Variants in COL22A1 observed in about 807,000 individuals in gnomAD.
COL22A1 encodes collagen alpha-1(XXII) chain.
A neutral mutation model predicts 248.9 loss-of-function variants in COL22A1; 221 were observed. That is an observed-to-expected ratio of 0.89 (90% confidence interval 0.80 to 0.99). COL22A1 has a LOEUF of 0.99. COL22A1 is among the 50% of genes least tolerant of loss of function. The pLI is 0.00. For missense variants in COL22A1, 2,240 were observed against 2,179.0 expected, an observed-to-expected ratio of 1.03 and a Z score of -0.56; for synonymous variants, 891 against 793.4, an observed-to-expected ratio of 1.12 and a Z score of -2.07.
At chr8:138,835,861 A>G (rs181513241) in intron 4 of COL22A1, among the ~76,000 whole-genome samples, 1 of 152,308 alleles carries the variant, frequency 6.6e-6, no homozygotes, top group East Asian at 1.9e-4. Context: ...AGTAAGGGCT[A>G]TGATAACAAT....
chr8:138,737,332 G>A (rs2131255390), intron 23 of COL22A1, among the ~76,000 whole-genome samples, 192 bp downstream of exon 23: 1 of 152,268 alleles, frequency 6.6e-6, no homozygotes, highest in South Asian at 2.1e-4. Context: ...AGCCAACAAT[G>A]GCCATTCAGC....
At chr8:138,732,044 T>C (rs1347169311) in intron 23 of COL22A1, among the ~76,000 whole-genome samples, 2 of 152,200 alleles carry the variant, frequency 1.3e-5, no homozygotes, top group Non-Finnish European at 2.9e-5. Flanking sequence ...TGCCAAATCA[T>C]AGGAGAGCAA....
At chr8:138,802,763 C>T (rs1817109602) in intron 11 of COL22A1, 109 bp downstream of exon 11, 4 of 849,044 alleles carry the variant, frequency 4.7e-6, no homozygotes, top group Non-Finnish European at 8.1e-6. Flanking sequence ...AGTGCCTGGC[C>T]CCTGCCAGGT....
chr8:138,615,490 C>T lies in COL22A1; in HGVS notation c.3924+511G>A, dbSNP rs144527646. 4.7e-5 allele frequency among the ~76,000 whole-genome samples: 7 copies of T among 147,398 alleles called. No individual in the cohort carries two copies. In the East Asian group the frequency reaches 1.2e-3, roughly 25 times the overall value. On this transcript the variant is annotated intron_variant, in intron 55 of 64. Coordinates refer to ENST00000303045, the MANE Select transcript of COL22A1 (RefSeq NM_152888.3). ...AGGTTACAGTAAGATGAGATCACGC[C>T]AATGCACTTCAGCCTGGGCGACGGA...
chr8:138,862,111 G>A lies in COL22A1; in HGVS notation c.658+15639C>T, dbSNP rs187191675. 4.5e-3 allele frequency among the ~76,000 whole-genome samples: 684 copies of A among 151,840 alleles called. 10 individuals carry two copies. Among genetic ancestry groups the A allele is most frequent in the African/African-American group, 0.015 (627 of 41,410 alleles). ...CACACGCCTGTAGTCCCAGCCACTC[G>A]GGAGGCTGAGGCAGGAGAATTGCTT... is the stretch of plus-strand genomic sequence containing the variant. On this transcript the variant is annotated intron_variant, in intron 3 of 64. Coordinates refer to ENST00000303045, the MANE Select transcript of COL22A1 (RefSeq NM_152888.3).
At chr8:138,613,104 C>T (rs1199162608) in intron 56 of COL22A1, among the ~76,000 whole-genome samples, 20 of 147,582 alleles carry the variant, frequency 1.4e-4, no homozygotes, top group South Asian at 8.6e-4. Flanking sequence ...AAAATTTAGC[C>T]GGGCGTGGTG....
At chr8:138,639,735 AAT>A (rs1318173895) in intron 47 of COL22A1, among the ~76,000 whole-genome samples, 3 of 152,234 alleles carry the variant, frequency 2.0e-5, no homozygotes, top group Non-Finnish European at 4.4e-5. Context: ...GGAACTCAGC[AAT>A]GTCTTTCTGA....
chr8:138,742,280 T>C (rs1356218007), intron 22 of COL22A1, among the ~76,000 whole-genome samples: 1 of 118,572 alleles, frequency 8.4e-6, no homozygotes, highest in East Asian at 2.3e-4. Context: ...GGTGATGGAG[T>C]TGATGGTGAT....
At chr8:138,656,061 G>T in intron 44 of COL22A1, 117 bp from the exon 45 acceptor site, 2 of 805,908 alleles carry the variant, frequency 2.5e-6, no homozygotes, top group Non-Finnish European at 4.2e-6. Flanking sequence ...ACACTGCGCC[G>T]TGCGTGGGAT....
Position 138,694,833 on chromosome 8 carries a change from C to T in COL22A1, c.2639G>A (p.Gly880Glu). The T allele has an allele frequency of 6.2e-7, 1 of 1,614,048 alleles. No homozygotes were observed. The highest frequency in any genetic ancestry group is 1.1e-5 in the South Asian group (1 of 91,076). The change falls in exon 33 of 65, where the codon GGG becomes GAG. Residue 880 changes from glycine to glutamate, a missense_variant. By Grantham distance (98) the Gly-to-Glu change is moderately conservative. Coordinates refer to ENST00000303045, the MANE Select transcript of COL22A1 (RefSeq NM_152888.3). Reference sequence around the variant, plus strand: ...GGGACACAAGAGACTCACCGGTTCCCCAGGCAGGCCTGGATCGCCCTTCTC... The same window carrying T: ...GGGACACAAGAGACTCACCGGTTCCTCAGGCAGGCCTGGATCGCCCTTCTC... Reference protein sequence around the residue: ...KGEKGDPGLPGEPGLQGRPGE... With the variant: ...KGEKGDPGLPEEPGLQGRPGE...
At chr8:138,816,566 G>C (rs1818704758) in intron 7 of COL22A1, among the ~76,000 whole-genome samples, 1 of 152,198 alleles carries the variant, frequency 6.6e-6, no homozygotes. Flanking sequence ...CAGCTGGAAG[G>C]CTGCATTCAG....
At chr8:138,748,530 A>C (rs1832318693) in intron 22 of COL22A1, among the ~76,000 whole-genome samples, 1 of 152,208 alleles carries the variant, frequency 6.6e-6, no homozygotes, top group Non-Finnish European at 1.5e-5. Flanking sequence ...CCTGTCCTTC[A>C]TCTGCAGAAA....
At chr8:138,840,583 A>C (rs112493726) in intron 4 of COL22A1, among the ~76,000 whole-genome samples, 214 of 151,858 alleles carry the variant, frequency 1.4e-3, no homozygotes, top group African/African-American at 4.8e-3. Context: ...TCCCAGCAAG[A>C]ATCAGTTATT....
At chr8:138,704,712 C>A (rs570619356) in intron 30 of COL22A1, among the ~76,000 whole-genome samples, 2 of 152,154 alleles carry the variant, frequency 1.3e-5, no homozygotes, top group Non-Finnish European at 2.9e-5. Flanking sequence ...AAAATCAGAG[C>A]GCCTCGCCTC....
intron 1 of COL22A1, among the ~76,000 whole-genome samples, chr8:138,889,577 T>C (rs7841452): frequency 0.95 from 144,365 of 152,048 alleles, 68,533 homozygotes; most frequent in East Asian, 1. Context: ...GTGGGGGGAG[T>C]GGGGAGGGAT....
chr8:138,599,013 G>GC, intron 60 of COL22A1, 115 bp from the exon 61 acceptor site: 2 of 1,042,276 alleles, frequency 1.9e-6, no homozygotes. Flanking sequence ...GGAGACCTTG[G>GC]CCCTGGGTGG....
chr8:138,907,743 C>A (rs1179701134), intron 1 of COL22A1, among the ~76,000 whole-genome samples: 1 of 152,214 alleles, frequency 6.6e-6, no homozygotes, highest in Non-Finnish European at 1.5e-5. Flanking sequence ...CACAGGCATC[C>A]AGCGAGGGTA....
In COL22A1 at chr8:138,903,047, C is replaced by T. The variant is rs995572950; in HGVS notation, c.-73+10572G>A. Among the ~76,000 whole-genome samples, 3 of 152,096 alleles carry T rather than the reference C, an allele frequency of 2.0e-5. No individual in the cohort carries two copies. In the South Asian group the frequency reaches 6.2e-4, roughly 32 times the overall value. On this transcript the variant is annotated intron_variant, in intron 1 of 64. Coordinates refer to ENST00000303045, the MANE Select transcript of COL22A1 (RefSeq NM_152888.3). Reference sequence around the variant, plus strand: ...TAAGAAAAATGCTCCCTCCCTATCGCGAATTGTCTCAAGGTCTGTAGCCAC... The same window carrying T: ...TAAGAAAAATGCTCCCTCCCTATCGTGAATTGTCTCAAGGTCTGTAGCCAC...
intron 49 of COL22A1, among the ~76,000 whole-genome samples, chr8:138,632,123 A>T (rs1820776144): frequency 6.6e-6 from 1 of 152,166 alleles, no homozygotes; most frequent in African/African-American, 2.4e-5. Context: ...AAAGGCTGGA[A>T]ATTGCACATG....
Sources: gnomAD v4.1 joint callset for allele counts (sites outside exome capture counted in the v4.1 genomes callset) on GRCh38, gnomAD v4.1.1 for gene constraint, MANE v1.5 for transcripts, NCBI Gene and HGNC (gene_info 2026-07-23, HGNC 2026-07-21) for gene names.